SUPT3H: variants seen among roughly 807,000 people sequenced by gnomAD.
SUPT3H encodes SPT3 homolog, SAGA and STAGA complex component.
SUPT3H carries 44 observed loss-of-function variants against 44.3 expected under a neutral mutation model. The ratio of observed to expected loss-of-function variants is 0.99; its 90% CI spans 0.78 to 1.28. The LOEUF (loss-of-function observed/expected upper bound fraction) is 1.28. Among genes scored for constraint, SUPT3H ranks in the 50% most tolerant of loss-of-function variants. The probability of loss-of-function intolerance (pLI) is 0.00; values close to 1 mark genes in which losing one functional copy is unlikely to be tolerated. For synonymous variants in SUPT3H, 124 were observed against 125.6 expected (o/e 0.99, Z 0.09); for missense variants, 380 against 387.1 (o/e 0.98, Z 0.15).
At chr6:44,839,985 C>T (rs1053029142) in intron 10 of SUPT3H, among the ~76,000 whole-genome samples, 4 of 152,182 alleles carry the variant, frequency 2.6e-5, no homozygotes, top group Admixed American at 2.0e-4. Flanking sequence ...CAGGCGTGAG[C>T]CACCGCACCC....
intron 2 of SUPT3H, among the ~76,000 whole-genome samples, chr6:45,202,117 T>C (rs988976641): frequency 6.6e-6 from 1 of 151,936 alleles, no homozygotes; most frequent in Non-Finnish European, 1.5e-5. Context: ...TTATTTTCAC[T>C]TTGAATATCT....
intron 7 of SUPT3H, among the ~76,000 whole-genome samples, chr6:44,959,726 T>TACCCTC (rs1436474132): frequency 1.3e-5 from 2 of 152,306 alleles, no homozygotes; most frequent in African/African-American, 4.8e-5. Flanking sequence ...TGCTACAGCT[T>TACCCTC]ACCCTCAGCC....
At chr6:45,038,103 C>T (rs764216776) in intron 3 of SUPT3H, among the ~76,000 whole-genome samples, 86 of 152,096 alleles carry the variant, frequency 5.7e-4, no homozygotes, top group Non-Finnish European at 1.2e-3. Flanking sequence ...AGAGTCTTGA[C>T]GACATCCATG....
intron 2 of SUPT3H, among the ~76,000 whole-genome samples, chr6:45,139,657 CCTT>C (rs1804852623): frequency 6.6e-6 from 1 of 152,094 alleles, no homozygotes; most frequent in Non-Finnish European, 1.5e-5. Flanking sequence ...GAAGGATTTA[CCTT>C]ACGTAAAGCT....
rs1562882970 is a variant in SUPT3H at position 45,288,597 on chromosome 6, GTGTATATATATATATGTATA to G, written c.101+76584_101+76603del. Among the ~76,000 whole-genome samples, 81 of 31,298 alleles carry G rather than the reference GTGTATATATATATATGTATA, an allele frequency of 2.6e-3. 1 individual carries two copies. The highest frequency in any genetic ancestry group is 6.4e-3 in the African/African-American group (76 of 11,834). 20.5% of individuals were successfully genotyped at this position (31,298 alleles called of 152,430 possible). A position where few individuals can be genotyped will look rare whatever the true frequency, so the allele number is the denominator to read the frequency against. On this transcript the variant is annotated intron_variant, in intron 2 of 10. Coordinates refer to ENST00000371459, the MANE Select transcript of SUPT3H (RefSeq NM_003599.4). The stretch of plus-strand genomic sequence containing the variant: ...TATATATATATGTATATATATATAT[GTGTATATATATATATGTATA>G]TATATATATATATATATAGCAAAGC...
chr6:44,958,116 A>G (rs1775483727), intron 7 of SUPT3H, among the ~76,000 whole-genome samples: 1 of 152,206 alleles, frequency 6.6e-6, no homozygotes, highest in Non-Finnish European at 1.5e-5. Context: ...GAAATTGACT[A>G]ACAAACAGAA....
Position 45,192,788 on chromosome 6 carries a change from T to C in SUPT3H, c.102-86782A>G, listed in dbSNP as rs371494310. On this transcript the variant is annotated intron_variant, in intron 2 of 10. Transcript: ENST00000371459. ...ATCACACCACACTAAAGCAGATCCC[T>C]ACTGCAGAGAATTTAGCTACAACAA... Among the ~76,000 whole-genome samples the C allele has an allele frequency of 6.9e-4, 105 of 152,254 alleles. 3 individuals are homozygous for C. The South Asian group carries it at 0.021, about 30-fold the overall frequency.
chr6:45,151,918 A>G (rs1807024216), intron 2 of SUPT3H, among the ~76,000 whole-genome samples: 1 of 152,002 alleles, frequency 6.6e-6, no homozygotes, highest in African/African-American at 2.4e-5. Flanking sequence ...GCATCTTCTC[A>G]GTTTCTTTGG....
chr6:45,285,423 A>C (rs1343787047), intron 2 of SUPT3H, among the ~76,000 whole-genome samples: 3 of 152,230 alleles, frequency 2.0e-5, no homozygotes, highest in African/African-American at 7.2e-5. Context: ...ATGTGCAAAA[A>C]TCACAAGCAT....
At chr6:45,341,571 T>C (rs1789783004) in intron 2 of SUPT3H, among the ~76,000 whole-genome samples, 1 of 152,084 alleles carries the variant, frequency 6.6e-6, no homozygotes, top group African/African-American at 2.4e-5. Flanking sequence ...AAACATCCAC[T>C]GAAAAAGGTT....
chr6:44,960,265 G>A (rs1243423994), intron 7 of SUPT3H, among the ~76,000 whole-genome samples: 1 of 151,406 alleles, frequency 6.6e-6, no homozygotes, highest in Non-Finnish European at 1.5e-5. Flanking sequence ...AAATTAGCTG[G>A]GTGTGGTGGT....
chr6:45,354,933 T>C (rs1792843415), intron 2 of SUPT3H, among the ~76,000 whole-genome samples: 1 of 152,262 alleles, frequency 6.6e-6, no homozygotes, highest in East Asian at 1.9e-4. Context: ...TTTGTATGCA[T>C]TGGAAAGAAA....
rs148031332 is a variant in SUPT3H, at chr6:45,033,104, G to A, written c.187-12472C>T. 6.2e-3 allele frequency among the ~76,000 whole-genome samples: 946 copies of A among 152,046 alleles called. 9 individuals carry two copies. Among genetic ancestry groups the A allele is most frequent in the South Asian group, 0.023 (112 of 4,808 alleles). ...AAAAGCAAATATAAGAGTAATACCA[G>A]TTTCCTTGCAGATATGTTAAGAAGA... On this transcript the variant is annotated intron_variant, in intron 3 of 10. Transcript: ENST00000371459.
intron 10 of SUPT3H, among the ~76,000 whole-genome samples, chr6:44,920,582 AAG>A (rs1392162551): frequency 2.0e-5 from 3 of 148,490 alleles, no homozygotes; most frequent in Non-Finnish European, 3.0e-5. Flanking sequence ...AAAAAAAAAA[AAG>A]ACAGAAAAGG....
At chr6:44,848,848 C>G (rs1422502779) in intron 10 of SUPT3H, among the ~76,000 whole-genome samples, 4 of 152,212 alleles carry the variant, frequency 2.6e-5, no homozygotes, top group Non-Finnish European at 5.9e-5. Flanking sequence ...GGACTCGAAA[C>G]AATGACATCT....
intron 2 of SUPT3H, among the ~76,000 whole-genome samples, chr6:45,178,560 C>A (rs1002714825): frequency 4.6e-5 from 7 of 151,858 alleles, no homozygotes; most frequent in African/African-American, 1.7e-4. Context: ...CTGCACCAAG[C>A]GGACCTAATA....
intron 2 of SUPT3H, among the ~76,000 whole-genome samples, chr6:45,142,373 T>A (rs764948069): frequency 6.6e-5 from 10 of 152,256 alleles, no homozygotes; most frequent in Admixed American, 1.3e-4. Context: ...ACAACTACCA[T>A]GATAACTACA....
chr6:44,895,300 C>T (rs1343795973), intron 10 of SUPT3H, among the ~76,000 whole-genome samples: 6 of 149,306 alleles, frequency 4.0e-5, no homozygotes, highest in African/African-American at 7.4e-5. Flanking sequence ...CACTCTGTTG[C>T]CCAGGCTGGT....
At chr6:45,332,023 T>C (rs2150085398) in intron 2 of SUPT3H, among the ~76,000 whole-genome samples, 1 of 151,418 alleles carries the variant, frequency 6.6e-6, no homozygotes, top group East Asian at 1.9e-4. Flanking sequence ...CACACAGAAT[T>C]AATATTTATT....
Sources: gnomAD v4.1 joint callset for allele counts (sites outside exome capture counted in the v4.1 genomes callset) on GRCh38, gnomAD v4.1.1 for gene constraint, MANE v1.5 for transcripts, NCBI Gene and HGNC (gene_info 2026-07-23, HGNC 2026-07-21) for gene names.